The following ZNF468 variants were observed in gnomAD, a reference collection of about 807,000 sequenced individuals.
The protein encoded by ZNF468 is zinc finger protein 468.
A neutral mutation model predicts 7.2 loss-of-function variants in ZNF468; 8 were observed. The observed-to-expected ratio is 1.11, with a 90% CI of 0.65 to 2.01. The LOEUF (loss-of-function observed/expected upper bound fraction) is 2.01. Ranked by LOEUF, ZNF468 falls within the 30% of genes most tolerant of loss-of-function variation. ZNF468 has a pLI of 0.00. For missense variants in ZNF468, 608 were observed against 626.5 expected (o/e 0.97, Z 0.31); for synonymous variants, 218 against 214.4 (o/e 1.02, Z -0.15).
At chr19:52,850,764 T>C (rs988045602) in intron 2 of ZNF468, among the ~76,000 whole-genome samples, 9 of 151,710 alleles carry the variant, frequency 5.9e-5, no homozygotes, top group African/African-American at 1.5e-4. Flanking sequence ...CCGGGCGTGG[T>C]GGCGGGCGCC....
chr19:52,840,444 G>T lies in ZNF468; in HGVS notation c.*281C>A. The T allele has an allele frequency of 1.5e-6, 1 of 654,422 alleles. No homozygotes were observed. Among genetic ancestry groups the T allele is most frequent in the Non-Finnish European group, 2.7e-6 (1 of 374,728 alleles). The allele number at this position is 654,422 out of a possible 1,614,324, so 40.5% of individuals were successfully genotyped here. ...ATGTTTTGCCAGATATGCATTATAT[G>T]CAAAAACCTTGTCACAAACCTTACC... On this transcript the variant is annotated 3_prime_UTR_variant, in exon 4 of 4. Coordinates refer to ENST00000595646, the MANE Select transcript of ZNF468 (RefSeq NM_001008801.2).
chr19:52,842,823 A>AG (rs1325878023), intron 3 of ZNF468, among the ~76,000 whole-genome samples: 1 of 148,012 alleles, frequency 6.8e-6, no homozygotes. Flanking sequence ...TCAAAAAAAA[A>AG]AAAAAAAAAA....
At chr19:52,843,614 A>G (rs1409739098) in intron 3 of ZNF468, among the ~76,000 whole-genome samples, 1 of 152,172 alleles carries the variant, frequency 6.6e-6, no homozygotes, top group Non-Finnish European at 1.5e-5. Flanking sequence ...ATTCATAAAA[A>G]TCAATTAATC....
At chr19:52,848,420 G>T (rs2063357465) in intron 3 of ZNF468, among the ~76,000 whole-genome samples, 1 of 152,164 alleles carries the variant, frequency 6.6e-6, no homozygotes, top group African/African-American at 2.4e-5. Context: ...TCCACCTACT[G>T]CCTCCTTCTG....
In ZNF468 at chr19:52,840,681, AGGGTT is replaced by A. The variant is rs772314102; in HGVS notation, c.*39_*43del. 1 of 1,612,494 alleles carries A rather than the reference AGGGTT, an allele frequency of 6.2e-7. No homozygotes were observed. The highest frequency in any genetic ancestry group is 1.1e-5 in the South Asian group (1 of 91,022). ...CAGTATGAATTGCCTTATGACTTAC[AGGGTT>A]GAATTGTGATGGAAGGTCTTGCCAC... On this transcript the variant is annotated 3_prime_UTR_variant, in exon 4 of 4. Coordinates refer to ENST00000595646, the MANE Select transcript of ZNF468 (RefSeq NM_001008801.2).
intron 2 of ZNF468, among the ~76,000 whole-genome samples, chr19:52,852,910 A>G (rs1198629064): frequency 6.6e-6 from 1 of 151,168 alleles, no homozygotes; most frequent in Non-Finnish European, 1.5e-5. Context: ...GCTGGAGTGC[A>G]GTGGTGCAAT....
chr19:52,848,291 C>A (rs1237667894), intron 3 of ZNF468, among the ~76,000 whole-genome samples: 2 of 152,140 alleles, frequency 1.3e-5, no homozygotes, highest in Admixed American at 6.5e-5. Context: ...CAGAAAGAGA[C>A]TCCTGCTTAT....
At position 52,841,026 on chromosome 19, in the gene ZNF468, T is replaced by C; in HGVS notation, c.1268A>G (p.Lys423Arg). Reference protein sequence around the residue: ...CEECCKVFSRKSNLERHRRIH... With the variant: ...CEECCKVFSRRSNLERHRRIH... ...CCTCCTGTGTCTTTCCAGGTTTGAT[T>C]TGCGACTGAAAACTTTGCAACATTC... is the stretch of plus-strand genomic sequence containing the variant. The change falls in exon 4 of 4, where the codon AAA (lysine) becomes AGA (arginine). Residue 423 changes from lysine (K) to arginine (R), a missense_variant. By Grantham distance (26) the Lys-to-Arg change is conservative. Transcript: ENST00000595646. The C allele has an allele frequency of 6.2e-7, 1 of 1,613,106 alleles. No homozygotes were observed. The highest frequency in any genetic ancestry group is 2.2e-5 in the East Asian group (1 of 44,860).
chr19:52,846,963 T>G (rs2063345855), intron 3 of ZNF468, among the ~76,000 whole-genome samples: 1 of 152,052 alleles, frequency 6.6e-6, no homozygotes, highest in Non-Finnish European at 1.5e-5. Flanking sequence ...ATCATATCAC[T>G]GCACTGTAGC....
intron 2 of ZNF468, among the ~76,000 whole-genome samples, chr19:52,851,770 T>A (rs1370084868): frequency 6.6e-6 from 1 of 151,604 alleles, no homozygotes; most frequent in African/African-American, 2.4e-5. Flanking sequence ...GAAAACAGAA[T>A]TACTCAAAGT....
intron 2 of ZNF468, chr19:52,854,026 T>C (rs570242226): frequency 1.3e-6 from 2 of 1,495,430 alleles, no homozygotes; most frequent in South Asian, 2.6e-5. Flanking sequence ...TGTCCATCCA[T>C]GTCGGGGTGT....
chr19:52,850,393 A>G (rs1273500351), intron 2 of ZNF468, among the ~76,000 whole-genome samples: 2 of 152,108 alleles, frequency 1.3e-5, no homozygotes, highest in Non-Finnish European at 1.5e-5. Context: ...ACAGGGAAAA[A>G]TCGCAAAGGA....
At chr19:52,844,113 T>A (rs2063325779) in intron 3 of ZNF468, among the ~76,000 whole-genome samples, 1 of 151,966 alleles carries the variant, frequency 6.6e-6, no homozygotes, top group Non-Finnish European at 1.5e-5. Flanking sequence ...GGATGAGACT[T>A]TGTCTCAAAG....
At chr19:52,848,153 C>A (rs1321728355) in intron 3 of ZNF468, among the ~76,000 whole-genome samples, 1 of 152,210 alleles carries the variant, frequency 6.6e-6, no homozygotes, top group Non-Finnish European at 1.5e-5. Context: ...TTCCACTCTG[C>A]CCATCTGAGC....
chr19:52,854,948 C>T (rs1436714609), intron 1 of ZNF468, among the ~76,000 whole-genome samples: 1 of 151,880 alleles, frequency 6.6e-6, no homozygotes, highest in Non-Finnish European at 1.5e-5. Context: ...CTTGAACCTG[C>T]GCGACCCGAG....
chr19:52,855,132 C>T (rs2063425471), intron 1 of ZNF468, among the ~76,000 whole-genome samples: 1 of 150,198 alleles, frequency 6.7e-6, no homozygotes, highest in Non-Finnish European at 1.5e-5. Flanking sequence ...GAGCCAAGAT[C>T]ACAAGACTGC....
At position 52,856,427 on chromosome 19, in the gene ZNF468, A is replaced by G. The variant is rs368000349; in HGVS notation, c.-74+1145T>C. Among the ~76,000 whole-genome samples, 9 of 149,480 alleles carry G rather than the reference A, an allele frequency of 6.0e-5. No homozygotes were observed. In the East Asian group the frequency reaches 7.9e-4, roughly 13 times the overall value. Reference sequence around the variant, plus strand: ...AACCTCCTGTTGGTCCTTCTCCCCAATCTTTAGATCGTCCTCAATCTCCAT... The same window carrying G: ...AACCTCCTGTTGGTCCTTCTCCCCAGTCTTTAGATCGTCCTCAATCTCCAT... On this transcript the variant is annotated intron_variant, in intron 1 of 3. Transcript: ENST00000595646.
chr19:52,852,946 C>T (rs1431069519), intron 2 of ZNF468, among the ~76,000 whole-genome samples: 2 of 151,604 alleles, frequency 1.3e-5, no homozygotes, highest in Admixed American at 1.3e-4. Flanking sequence ...GCTCTGCCTC[C>T]GAGGTTCAAG....
chr19:52,848,271 G>A (rs1568679776), intron 3 of ZNF468, among the ~76,000 whole-genome samples: 1 of 152,106 alleles, frequency 6.6e-6, no homozygotes, highest in Non-Finnish European at 1.5e-5. Flanking sequence ...CCAATATGGA[G>A]ATAACAGGTC....
Sources: gnomAD v4.1 joint callset for allele counts (sites outside exome capture counted in the v4.1 genomes callset) on GRCh38, gnomAD v4.1.1 for gene constraint, MANE v1.5 for transcripts, NCBI Gene and HGNC (gene_info 2026-07-23, HGNC 2026-07-21) for gene names.